Variants in MARCHF6 observed in about 807,000 individuals in gnomAD.
MARCHF6 encodes E3 ubiquitin-protein ligase MARCHF6.
A neutral mutation model predicts 133.7 loss-of-function variants in MARCHF6; 31 were observed. The observed-to-expected ratio is 0.23, with a 90% CI of 0.17 to 0.31. The LOEUF (loss-of-function observed/expected upper bound fraction) is 0.31, where lower values mean the gene tolerates loss of function less well. Among genes scored for constraint, MARCHF6 ranks in the 10% least tolerant of loss-of-function variants. The pLI is 1.00. For synonymous variants in MARCHF6, 395 were observed against 402.5 expected (o/e 0.98, Z 0.22); for missense variants, 723 against 1,121.6 (o/e 0.64, Z 5.08).
At position 10,405,606 on chromosome 5, in the gene MARCHF6, G is replaced by C; in HGVS notation, c.1381G>C (p.Asp461His). The part of the protein sequence containing the change: ...LWFLRNLNDP[D>H]FNPVQEMIHL... ...GTTTCTAAGGAATTTGAATGATCCA[G>C]ATTTCAATCCAGTACAGGAAATGAT... The change falls in exon 16 of 26, where the codon GAT (aspartate) becomes CAT (histidine). Residue 461 changes from aspartate (D) to histidine (H), a missense_variant. Around this residue, in one of 4 missense-constraint regions of MARCHF6, gnomAD observed 492 missense variants for 699.5 expected, o/e 0.70. Coordinates refer to ENST00000274140, the MANE Select transcript of MARCHF6 (RefSeq NM_005885.4). The C allele has an allele frequency of 1.2e-6, 2 of 1,610,178 alleles. No individual in the cohort carries two copies. The highest frequency in any genetic ancestry group is 8.5e-7 in the Non-Finnish European group (1 of 1,178,680).
chr5:10,397,389 A>T, intron 10 of MARCHF6, 45 bp downstream of exon 10: 3 of 1,431,436 alleles, frequency 2.1e-6, no homozygotes, highest in Non-Finnish European at 2.9e-6. Context: ...TTATGGTAGG[A>T]ATTTAGTTTT....
chr5:10,417,342 C>T lies in MARCHF6; in HGVS notation c.2221C>T (p.Leu741=). 1 of 1,614,104 alleles carries T rather than the reference C, an allele frequency of 6.2e-7. No homozygotes were observed. Residue 741 remains leucine (L), a synonymous_variant, in exon 22 of 26, where the codon CTG becomes TTG. Transcript: ENST00000274140. ...VPLLLGLLFE[L]VIVAPLRVPL... ...TCTCCTTCTGGGGCTCCTGTTTGAG[C>T]TGGTCATTGTGGCTCCCCTGAGGGT...
intron 2 of MARCHF6, 114 bp downstream of exon 2, chr5:10,378,008 G>T: frequency 1.6e-6 from 1 of 636,428 alleles, no homozygotes; most frequent in Non-Finnish European, 2.7e-6. Flanking sequence ...AAGTTTTATT[G>T]TATTTTCCTG....
At chr5:10,394,035 T>G (rs772671233) in intron 7 of MARCHF6, 47 bp from the exon 8 acceptor site, 1 of 1,147,950 alleles carries the variant, frequency 8.7e-7, no homozygotes, top group South Asian at 1.8e-5. Flanking sequence ...TTTTATTATT[T>G]ATTATTTTTA....
chr5:10,367,411 T>A (rs568360403), intron 1 of MARCHF6, among the ~76,000 whole-genome samples: 2 of 152,334 alleles, frequency 1.3e-5, no homozygotes, highest in African/African-American at 4.8e-5. Flanking sequence ...ATATTTTCTG[T>A]AAGTCTAAGA....
chr5:10,406,018 C>T (rs1738866703), intron 16 of MARCHF6, among the ~76,000 whole-genome samples: 1 of 152,166 alleles, frequency 6.6e-6, no homozygotes, highest in South Asian at 2.1e-4. Flanking sequence ...AGCATTACCA[C>T]CTGAGCTCCA....
Position 10,411,376 on chromosome 5 carries a change from A to G in MARCHF6, c.1735A>G (p.Asn579Asp). The G allele has an allele frequency of 6.2e-7, 1 of 1,614,238 alleles. No individual in the cohort carries two copies. Among genetic ancestry groups the G allele is most frequent in the Non-Finnish European group, 8.5e-7 (1 of 1,180,036 alleles). The change falls in exon 19 of 26, where the codon AAC becomes GAC. Residue 579 changes from asparagine to aspartate, a missense_variant. By Grantham distance (23) the Asn-to-Asp change is conservative. Transcript: ENST00000274140. Reference protein sequence around the residue: ...YLLGDQEENENSANQQVNNNQ... With the variant: ...YLLGDQEENEDSANQQVNNNQ... ...ATTGGGAGACCAGGAAGAAAATGAAAACAGTGCAAATCAACAAGTTAACAA... is the reference window on the plus strand; with the variant it reads ...ATTGGGAGACCAGGAAGAAAATGAAGACAGTGCAAATCAACAAGTTAACAA...
intron 1 of MARCHF6, among the ~76,000 whole-genome samples, chr5:10,355,115 G>T (rs555235741): frequency 1.3e-5 from 2 of 152,302 alleles, no homozygotes; most frequent in Non-Finnish European, 2.9e-5. Context: ...CTTTACACAG[G>T]TAGTAAGAGG....
chr5:10,382,026 T>C lies in MARCHF6; in HGVS notation c.334+83T>C, dbSNP rs193165867. On this transcript the variant is annotated intron_variant, in intron 4 of 25. Transcript: ENST00000274140. ...ATAAAGCAATATTGCATCATATTAT[T>C]ATTTGACTGATGTTTAGTTATTTGA... 2.9e-5 allele frequency: 38 copies of C among 1,306,566 alleles called. No individual in the cohort carries two copies. In the Admixed American group the frequency reaches 7.4e-4, roughly 25 times the overall value. 80.9% of individuals were successfully genotyped at this position (1,306,566 alleles called of 1,614,324 possible). A position where few individuals can be genotyped will look rare whatever the true frequency, so the allele number is the denominator to read the frequency against.
chr5:10,381,989 C>T, intron 4 of MARCHF6, 46 bp downstream of exon 4: 2 of 1,540,844 alleles, frequency 1.3e-6, no homozygotes, highest in Non-Finnish European at 1.8e-6. Flanking sequence ...CATTGCATAA[C>T]TACTTAATAT....
intron 1 of MARCHF6, among the ~76,000 whole-genome samples, chr5:10,360,011 A>G (rs928387614): frequency 6.6e-6 from 1 of 152,104 alleles, no homozygotes; most frequent in African/African-American, 2.4e-5. Flanking sequence ...GTCTCAAAAA[A>G]AAAGTAGTAC....
intron 18 of MARCHF6, 145 bp downstream of exon 18, chr5:10,410,421 A>G: frequency 1.1e-6 from 1 of 922,266 alleles, no homozygotes; most frequent in Non-Finnish European, 1.6e-6. Flanking sequence ...ATTGCATATA[A>G]TACTTCTAAA....
chr5:10,426,147 G>C (rs1012359171), intron 23 of MARCHF6, among the ~76,000 whole-genome samples: 10 of 152,176 alleles, frequency 6.6e-5, no homozygotes, highest in Admixed American at 2.0e-4. Flanking sequence ...AATTATTCTA[G>C]ATTAGTGTCT....
intron 4 of MARCHF6, among the ~76,000 whole-genome samples, chr5:10,384,048 T>G (rs1455814235): frequency 6.6e-6 from 1 of 152,048 alleles, no homozygotes. Flanking sequence ...CACAGATCGG[T>G]GGCAAAAAGA....
chr5:10,398,838 T>C (rs1738345376), intron 10 of MARCHF6, among the ~76,000 whole-genome samples: 1 of 152,228 alleles, frequency 6.6e-6, no homozygotes, highest in Non-Finnish European at 1.5e-5. Flanking sequence ...TTGGAATCTT[T>C]TGAAATGAAA....
chr5:10,374,363 A>G (rs1417660964), intron 1 of MARCHF6, among the ~76,000 whole-genome samples: 1 of 152,166 alleles, frequency 6.6e-6, no homozygotes, highest in Non-Finnish European at 1.5e-5. Flanking sequence ...GCCGGGGTCC[A>G]TTGCAAGAAA....
At chr5:10,380,972 A>C (rs187821791) in intron 3 of MARCHF6, among the ~76,000 whole-genome samples, 1 of 151,634 alleles carries the variant, frequency 6.6e-6, no homozygotes, top group Non-Finnish European at 1.5e-5. Context: ...TTATTTCTCA[A>C]TGTTTATAGG....
intron 5 of MARCHF6, among the ~76,000 whole-genome samples, chr5:10,389,200 A>G (rs570421074): frequency 6.6e-6 from 1 of 152,320 alleles, no homozygotes; most frequent in South Asian, 2.1e-4. Flanking sequence ...TAATTCTGAA[A>G]TCATAAACAT....
At chr5:10,363,733 T>C (rs1735959712) in intron 1 of MARCHF6, among the ~76,000 whole-genome samples, 1 of 152,200 alleles carries the variant, frequency 6.6e-6, no homozygotes, top group African/African-American at 2.4e-5. Context: ...GATGAGTAGA[T>C]AAATGTGATC....
Sources: allele counts gnomAD v4.1 joint callset (sites outside exome capture counted in the v4.1 genomes callset), GRCh38; gene constraint gnomAD v4.1.1; regional missense constraint gnomAD v4.1.1; transcripts MANE v1.5; gene names NCBI Gene and HGNC (gene_info 2026-07-23, HGNC 2026-07-21).